MSRA: variants seen among roughly 807,000 people sequenced by gnomAD.
MSRA encodes methionine sulfoxide reductase A.
In MSRA, 54 loss-of-function variants were observed where a neutral mutation model predicts 31.3. That is an observed-to-expected ratio of 1.73 (90% confidence interval 1.39 to 2.17). The LOEUF is 2.17. MSRA is among the 30% of genes most tolerant of loss of function. The pLI, the probability that MSRA is intolerant of heterozygous loss-of-function variation, is 0.00. For synonymous variants in MSRA, 169 were observed against 116.5 expected, an observed-to-expected ratio of 1.45 and a Z score of -2.90; for missense variants, 507 against 300.9, an observed-to-expected ratio of 1.69 and a Z score of -5.07.
chr8:10,095,590 G>A (rs950593959), intron 1 of MSRA: 1 of 986,428 alleles, frequency 1.0e-6, no homozygotes, highest in Non-Finnish European at 1.2e-6. Context: ...GAGGCAGAGG[G>A]AGAGCTGAGG....
intron 3 of MSRA, among the ~76,000 whole-genome samples, chr8:10,247,973 G>A (rs765971071): frequency 1.3e-5 from 2 of 152,150 alleles, no homozygotes; most frequent in Non-Finnish European, 2.9e-5. Flanking sequence ...GGAGAGGGGT[G>A]GGGGAGACAT....
In MSRA at chr8:10,428,794, A is replaced by T. The variant is rs1045074405; in HGVS notation, c.*482A>T. 74 of 165,258 alleles carry T rather than the reference A, an allele frequency of 4.5e-4. No homozygotes were observed. The highest frequency in any genetic ancestry group is 1.8e-4 in the Non-Finnish European group (14 of 77,814). The allele number at this position is 165,258 out of a possible 1,614,324, so 10.2% of individuals were successfully genotyped here. A position where few individuals can be genotyped will look rare whatever the true frequency, so the allele number is the denominator to read the frequency against. ...TCTCCCTTTTCAGCCCTCTCTGTGC[A>T]GAGAAAAGATGTGAGTCCGCTTGAT... On this transcript the variant is annotated 3_prime_UTR_variant, in exon 6 of 6. Coordinates refer to ENST00000317173, the MANE Select transcript of MSRA (RefSeq NM_012331.5).
chr8:10,267,839 T>G (rs1455468722), intron 3 of MSRA, among the ~76,000 whole-genome samples: 1 of 152,174 alleles, frequency 6.6e-6, no homozygotes, highest in East Asian at 1.9e-4. Context: ...AGGTCATGCA[T>G]TTTTTCATTT....
At chr8:10,099,311 T>C (rs1680491212) in intron 1 of MSRA, among the ~76,000 whole-genome samples, 1 of 152,138 alleles carries the variant, frequency 6.6e-6, no homozygotes, top group Admixed American at 6.5e-5. Flanking sequence ...GAGGAGTGTC[T>C]CAGCCGTGGG....
chr8:10,068,266 G>T (rs929167313), intron 1 of MSRA, among the ~76,000 whole-genome samples: 4 of 152,116 alleles, frequency 2.6e-5, no homozygotes, highest in African/African-American at 9.7e-5. Flanking sequence ...CCAGCCTGTG[G>T]CTTGTCTTCT....
intron 2 of MSRA, among the ~76,000 whole-genome samples, chr8:10,218,021 G>A (rs554044145): frequency 2.0e-5 from 3 of 151,784 alleles, no homozygotes; most frequent in Non-Finnish European, 4.4e-5. Context: ...TTGTCCTCTT[G>A]TATTTTCTAC....
At chr8:10,061,812 C>A (rs1046791247) in intron 1 of MSRA, among the ~76,000 whole-genome samples, 1 of 152,122 alleles carries the variant, frequency 6.6e-6, no homozygotes, top group African/African-American at 2.4e-5. Flanking sequence ...GAACTTTTCC[C>A]TGAGTTATTT....
intron 1 of MSRA, among the ~76,000 whole-genome samples, chr8:10,124,280 G>T (rs1421093538): frequency 6.6e-6 from 1 of 152,128 alleles, no homozygotes; most frequent in Non-Finnish European, 1.5e-5. Context: ...CAAGAAGATT[G>T]GCAGGCGAGA....
intron 1 of MSRA, among the ~76,000 whole-genome samples, chr8:10,178,233 A>T (rs1421656957): frequency 6.6e-6 from 1 of 152,184 alleles, no homozygotes; most frequent in Non-Finnish European, 1.5e-5. Flanking sequence ...TCACTTCCTG[A>T]TAGATTTCGC....
chr8:10,250,500 A>C (rs574541031), intron 3 of MSRA: 2 of 701,712 alleles, frequency 2.9e-6, no homozygotes, highest in East Asian at 5.4e-5. Context: ...CACTGAATCC[A>C]GAAGCATGAA....
chr8:10,115,934 G>T (rs957447548), intron 1 of MSRA, among the ~76,000 whole-genome samples: 6 of 152,188 alleles, frequency 3.9e-5, no homozygotes, highest in Admixed American at 1.3e-4. Flanking sequence ...CCAGGTTGTG[G>T]TGGGGACCAT....
chr8:10,292,986 G>T (rs755444763), intron 3 of MSRA, among the ~76,000 whole-genome samples: 3 of 152,212 alleles, frequency 2.0e-5, no homozygotes, highest in Non-Finnish European at 4.4e-5. Context: ...GATGACAGGT[G>T]TGGAGAAGCA....
chr8:10,268,807 A>G (rs951761329), intron 3 of MSRA, among the ~76,000 whole-genome samples: 9 of 152,212 alleles, frequency 5.9e-5, no homozygotes, highest in African/African-American at 1.9e-4. Context: ...ATCTCCACAC[A>G]CCTGGAGGAG....
At chr8:10,257,589 G>A (rs978220625) in intron 3 of MSRA, among the ~76,000 whole-genome samples, 6 of 152,092 alleles carry the variant, frequency 3.9e-5, no homozygotes, top group African/African-American at 1.4e-4. Flanking sequence ...TGTATTTTTA[G>A]TAGAGATGGG....
At chr8:10,278,888 T>C (rs555462144) in intron 3 of MSRA, among the ~76,000 whole-genome samples, 3 of 152,346 alleles carry the variant, frequency 2.0e-5, no homozygotes, top group Admixed American at 2.0e-4. Context: ...CAAAGATTTT[T>C]GGAGCTGTAA....
At chr8:10,425,146 G>A (rs1269749197) in intron 5 of MSRA, among the ~76,000 whole-genome samples, 2 of 152,070 alleles carry the variant, frequency 1.3e-5, no homozygotes, top group East Asian at 1.9e-4. Context: ...CGGTGGGTGG[G>A]GGGATGGGGG....
At chr8:10,421,766 G>A (rs377110012) in intron 5 of MSRA, among the ~76,000 whole-genome samples, 36 of 152,246 alleles carry the variant, frequency 2.4e-4, no homozygotes, top group African/African-American at 7.9e-4. Flanking sequence ...GCTGGAGACC[G>A]AGCTGAGGTG....
intron 3 of MSRA, among the ~76,000 whole-genome samples, chr8:10,259,322 T>C (rs1260237542): frequency 2.6e-5 from 4 of 152,134 alleles, no homozygotes; most frequent in African/African-American, 9.7e-5. Context: ...AAATGCAATT[T>C]TGTCATTTCT....
chr8:10,364,748 C>G (rs1004490977), intron 5 of MSRA, among the ~76,000 whole-genome samples: 4 of 152,186 alleles, frequency 2.6e-5, no homozygotes, highest in African/African-American at 9.7e-5. Context: ...ATGGGCGTGC[C>G]AGATATCACG....
Sources: allele counts gnomAD v4.1 joint callset (sites outside exome capture counted in the v4.1 genomes callset), GRCh38; gene constraint gnomAD v4.1.1; transcripts MANE v1.5; gene names NCBI Gene and HGNC (gene_info 2026-07-23, HGNC 2026-07-21).